Variants in SPIRE1 observed in about 807,000 individuals in gnomAD.
SPIRE1 encodes the protein protein spire homolog 1.
In SPIRE1, 40 loss-of-function variants were observed where a neutral mutation model predicts 94.1. The observed-to-expected ratio is 0.43, with a 90% confidence interval of 0.33 to 0.55. The LOEUF is 0.55. Ranked by LOEUF, SPIRE1 falls within the 20% of genes least tolerant of loss-of-function variation. The pLI, the probability that SPIRE1 is intolerant of heterozygous loss-of-function variation, is 0.06. For missense variants in SPIRE1, 838 were observed against 975.2 expected (o/e 0.86, Z 1.87); for synonymous variants, 376 against 371.7 (o/e 1.01, Z -0.13).
At chr18:12,529,135 C>T (rs987355937) in intron 4 of SPIRE1, among the ~76,000 whole-genome samples, 24 of 152,232 alleles carry the variant, frequency 1.6e-4, no homozygotes, top group African/African-American at 5.1e-4. Context: ...TTTGGGAGGC[C>T]GAGGCGGGCG....
chr18:12,531,694 A>G (rs1003108545), intron 4 of SPIRE1, among the ~76,000 whole-genome samples: 2 of 152,214 alleles, frequency 1.3e-5, no homozygotes, highest in Non-Finnish European at 2.9e-5. Context: ...TATGAATATG[A>G]CAGTAAAGTA....
chr18:12,492,257 G>C (rs565327835), intron 8 of SPIRE1, among the ~76,000 whole-genome samples: 1 of 152,150 alleles, frequency 6.6e-6, no homozygotes, highest in Non-Finnish European at 1.5e-5. Context: ...CTAGCAGAGT[G>C]GGGGTCACAA....
intron 2 of SPIRE1, among the ~76,000 whole-genome samples, chr18:12,573,145 G>A (rs559676412): frequency 6.0e-4 from 91 of 152,242 alleles, no homozygotes; most frequent in Admixed American, 1.2e-3. Context: ...AAAACCCAGT[G>A]AGAAAACAAC....
chr18:12,461,598 C>CATACATAT (rs1568184411), intron 12 of SPIRE1, among the ~76,000 whole-genome samples: 1 of 57,242 alleles, frequency 1.7e-5, no homozygotes, highest in Non-Finnish European at 4.5e-5. Flanking sequence ...TACATACATA[C>CATACATAT]ACACACATAT....
At chr18:12,641,445 T>C (rs1039572687) in intron 1 of SPIRE1, among the ~76,000 whole-genome samples, 1 of 151,840 alleles carries the variant, frequency 6.6e-6, no homozygotes, top group Non-Finnish European at 1.5e-5. Context: ...CTTGGCTTAC[T>C]ACAACCTCCG....
chr18:12,467,442 A>G (rs989428342), intron 10 of SPIRE1, among the ~76,000 whole-genome samples: 1 of 152,208 alleles, frequency 6.6e-6, no homozygotes, highest in Non-Finnish European at 1.5e-5. Flanking sequence ...CAATTAGAAC[A>G]ATCTTTTTCT....
At chr18:12,508,693 G>T (rs1422119580) in intron 5 of SPIRE1, among the ~76,000 whole-genome samples, 15 of 146,496 alleles carry the variant, frequency 1.0e-4, no homozygotes, top group Admixed American at 9.6e-4. Context: ...TTTTTTTTGA[G>T]ACGGAGTCTT....
chr18:12,626,513 G>C (rs1421141652), intron 2 of SPIRE1, among the ~76,000 whole-genome samples: 1 of 152,108 alleles, frequency 6.6e-6, no homozygotes, highest in Non-Finnish European at 1.5e-5. Context: ...CATCTAACAG[G>C]ACTATATCCG....
In SPIRE1 at chr18:12,559,906, C is replaced by A. The variant is rs1246205894; in HGVS notation, c.373-13002G>T. Among the ~76,000 whole-genome samples the A allele has an allele frequency of 2.6e-5, 4 of 152,118 alleles. No individual in the cohort carries two copies. Among genetic ancestry groups the A allele is most frequent in the Non-Finnish European group, 5.9e-5 (4 of 68,026 alleles). On this transcript the variant is annotated intron_variant, in intron 2 of 16. Transcript: ENST00000409402. The surrounding 1 kb of genome is among the most constrained non-coding windows in gnomAD (Gnocchi z 4.7). ...CTCAAACAATTCTATAGGAAAAAAT[C>A]TAATAATCTGATTAAAAATGGGCAA...
chr18:12,639,460 G>A (rs555224196), intron 1 of SPIRE1, among the ~76,000 whole-genome samples: 3 of 152,270 alleles, frequency 2.0e-5, no homozygotes, highest in Admixed American at 6.5e-5. Context: ...GCGGCCAGGC[G>A]CAGTGGCTCA....
chr18:12,657,893 G>C lies in SPIRE1; in HGVS notation c.-27C>G, dbSNP rs1338685865. 8 of 1,035,620 alleles carry C rather than the reference G, an allele frequency of 7.7e-6. No individual in the cohort carries two copies. The highest frequency in any genetic ancestry group is 9.2e-6 in the Non-Finnish European group (8 of 865,716). 64.2% of individuals were successfully genotyped at this position (1,035,620 alleles called of 1,614,324 possible). A position where few individuals can be genotyped will look rare whatever the true frequency, so the allele number is the denominator to read the frequency against. On this transcript the variant is annotated 5_prime_UTR_variant, in exon 1 of 17. Transcript: ENST00000409402. ...CCGCGGGTGGGCGCTGCGCTCGGCA[G>C]TCGCGCCGTGTGCCGGCGTCTCCTC...
At chr18:12,614,755 T>A (rs1225765856) in intron 2 of SPIRE1, among the ~76,000 whole-genome samples, 1 of 151,890 alleles carries the variant, frequency 6.6e-6, no homozygotes, top group Non-Finnish European at 1.5e-5. Context: ...GAGGCAGAGG[T>A]TGCAGTGAGC....
intron 4 of SPIRE1, among the ~76,000 whole-genome samples, chr18:12,523,042 A>C (rs2034407726): frequency 6.6e-6 from 1 of 152,214 alleles, no homozygotes; most frequent in Non-Finnish European, 1.5e-5. Flanking sequence ...AAGCACATTG[A>C]AAACCTTCTG....
At chr18:12,478,560 GGT>G (rs1330989333) in intron 10 of SPIRE1, among the ~76,000 whole-genome samples, 6 of 147,546 alleles carry the variant, frequency 4.1e-5, no homozygotes, top group African/African-American at 1.0e-4. Flanking sequence ...GTGAAGCTAG[GGT>G]GTGTGTGTGA....
At position 12,454,500 on chromosome 18, in the gene SPIRE1, C is replaced by G; in HGVS notation, c.1639-17G>C. 1 of 1,613,626 alleles carries G rather than the reference C, an allele frequency of 6.2e-7. No homozygotes were observed. The highest frequency in any genetic ancestry group is 8.5e-7 in the Non-Finnish European group (1 of 1,179,800). ...GAATTCCTCCTGAAATTCAAAATGTCACGTGAATAAGAGATTCCTACCCCC... is the reference window on the plus strand; with the variant it reads ...GAATTCCTCCTGAAATTCAAAATGTGACGTGAATAAGAGATTCCTACCCCC... On this transcript the variant is annotated splice_polypyrimidine_tract_variant and intron_variant, in intron 12 of 16. Transcript: ENST00000409402.
At chr18:12,593,238 A>G (rs548985001) in intron 2 of SPIRE1, among the ~76,000 whole-genome samples, 75 of 152,366 alleles carry the variant, frequency 4.9e-4, no homozygotes, top group African/African-American at 1.7e-3. Context: ...AAAATTTAAG[A>G]CCATACAGAT....
intron 2 of SPIRE1, among the ~76,000 whole-genome samples, chr18:12,551,771 A>C (rs901384276): frequency 8.5e-5 from 13 of 152,116 alleles, no homozygotes; most frequent in Non-Finnish European, 1.9e-4. Flanking sequence ...TTTATTGATC[A>C]TCAGCCCTGC....
chr18:12,635,554 T>C (rs997837958), intron 1 of SPIRE1, among the ~76,000 whole-genome samples: 1 of 152,224 alleles, frequency 6.6e-6, no homozygotes, highest in African/African-American at 2.4e-5. Flanking sequence ...CATACTTTCT[T>C]TAATATATGC....
At chr18:12,537,911 G>T (rs955983087) in intron 3 of SPIRE1, among the ~76,000 whole-genome samples, 4 of 152,108 alleles carry the variant, frequency 2.6e-5, no homozygotes, top group African/African-American at 9.7e-5. Flanking sequence ...ATATAGTTAA[G>T]GCAACAACAT....
Sources: allele counts gnomAD v4.1 joint callset (sites outside exome capture counted in the v4.1 genomes callset), GRCh38; gene constraint gnomAD v4.1.1; non-coding constraint Gnocchi (gnomAD v3.1); transcripts MANE v1.5; gene names NCBI Gene and HGNC (gene_info 2026-07-23, HGNC 2026-07-21).